SLC24A2: variants seen among roughly 807,000 people sequenced by gnomAD.
SLC24A2 encodes solute carrier family 24 member 2.
A neutral mutation model predicts 62.0 loss-of-function variants in SLC24A2; 36 were observed. The observed-to-expected ratio is 0.58, with a 90% CI of 0.44 to 0.77. The LOEUF is 0.77. SLC24A2 is among the 30% of genes least tolerant of loss of function. SLC24A2 has a pLI of 0.00. For synonymous variants in SLC24A2, 358 were observed against 294.0 expected, an observed-to-expected ratio of 1.22 and a Z score of -2.23; for missense variants, 846 against 817.9, an observed-to-expected ratio of 1.03 and a Z score of -0.42.
chr9:19,870,103 C>T, the SLC24A2 span, among the ~76,000 whole-genome samples: 18 of 152,210 alleles, frequency 1.2e-4, no homozygotes, highest in Admixed American at 9.2e-4. Context: ...TACTGTTCTG[C>T]GGCCACCACC....
intron 2 of SLC24A2, among the ~76,000 whole-genome samples, chr9:19,654,139 C>A (rs1289376872): frequency 1.3e-5 from 2 of 152,156 alleles, no homozygotes; most frequent in Non-Finnish European, 2.9e-5. Flanking sequence ...TACAGTGTTG[C>A]CTTTTCAAGA....
chr9:20,282,324 C>T, the SLC24A2 span, among the ~76,000 whole-genome samples: 102,236 of 152,002 alleles, frequency 0.67, 36,786 homozygotes, highest in East Asian at 0.96. Context: ...AACTCTTTTT[C>T]ATTGATCTCT....
the SLC24A2 span, among the ~76,000 whole-genome samples, chr9:20,212,949 C>T: frequency 6.6e-6 from 1 of 151,718 alleles, no homozygotes; most frequent in Non-Finnish European, 1.5e-5. Context: ...CATGTTCTCA[C>T]TTATAAGTGG....
the SLC24A2 span, among the ~76,000 whole-genome samples, chr9:20,297,259 A>C: frequency 6.6e-6 from 1 of 152,186 alleles, no homozygotes; most frequent in African/African-American, 2.4e-5. Flanking sequence ...AAGGTTACAG[A>C]TTGAGCCTCA....
At chr9:20,243,090 T>A in the SLC24A2 span, among the ~76,000 whole-genome samples, 1,012 of 152,324 alleles carry the variant, frequency 6.6e-3, 16 homozygotes, top group African/African-American at 0.023. Flanking sequence ...CTTACAGACC[T>A]CCTTGGTTAC....
chr9:20,116,030 A>G, the SLC24A2 span, among the ~76,000 whole-genome samples: 2 of 152,192 alleles, frequency 1.3e-5, no homozygotes, highest in Non-Finnish European at 1.5e-5. Flanking sequence ...GTCCATTTCT[A>G]TGAACTGTAT....
At chr9:19,542,548 C>T (rs1425405019) in intron 8 of SLC24A2, among the ~76,000 whole-genome samples, 2 of 152,154 alleles carry the variant, frequency 1.3e-5, no homozygotes, top group East Asian at 3.8e-4. Flanking sequence ...CCAGTTTTTG[C>T]CCATTCAGTA....
At chr9:19,908,520 A>G in the SLC24A2 span, among the ~76,000 whole-genome samples, 4 of 152,220 alleles carry the variant, frequency 2.6e-5, no homozygotes, top group Non-Finnish European at 5.9e-5. Flanking sequence ...CTGCACAGCA[A>G]AAGAAACCAC....
At chr9:19,735,196 G>C (rs977530659) in intron 2 of SLC24A2, among the ~76,000 whole-genome samples, 7 of 151,940 alleles carry the variant, frequency 4.6e-5, no homozygotes, top group Admixed American at 4.6e-4. Flanking sequence ...AGTGGGCAAA[G>C]TATATGAACA....
intron 7 of SLC24A2, among the ~76,000 whole-genome samples, chr9:19,571,962 T>C (rs1161080154): frequency 6.6e-6 from 1 of 152,110 alleles, no homozygotes; most frequent in Non-Finnish European, 1.5e-5. Flanking sequence ...GAGCTTCAGT[T>C]TCCTCAACTA....
chr9:19,771,586 C>G (rs1038214844), intron 2 of SLC24A2, among the ~76,000 whole-genome samples: 1 of 152,176 alleles, frequency 6.6e-6, no homozygotes, highest in Non-Finnish European at 1.5e-5. Flanking sequence ...CACAAAACTC[C>G]ATCCACCATG....
At chr9:19,552,404 T>G (rs559581896) in intron 7 of SLC24A2, among the ~76,000 whole-genome samples, 6 of 152,314 alleles carry the variant, frequency 3.9e-5, no homozygotes, top group African/African-American at 1.4e-4. Context: ...CCTTCTTGTT[T>G]AACCCAAATG....
chr9:19,619,520 C>A (rs1384844444), intron 4 of SLC24A2, 64 bp downstream of exon 4: 6 of 1,248,130 alleles, frequency 4.8e-6, no homozygotes, highest in African/African-American at 4.4e-5. Flanking sequence ...ACGTTTTATG[C>A]AGAGAAGCCT....
At position 19,520,932 on chromosome 9, in the gene SLC24A2, G is replaced by A. The variant is rs769392726; in HGVS notation, c.1698C>T (p.Ser566=). 4 of 1,613,946 alleles carry A rather than the reference G, an allele frequency of 2.5e-6. No homozygotes were observed. The highest frequency in any genetic ancestry group is 3.3e-5 in the Admixed American group (2 of 59,996). The change falls in exon 10 of 11, where the codon TCC becomes TCT. Residue 566 remains serine (S), a synonymous_variant. Coordinates refer to ENST00000341998, the MANE Select transcript of SLC24A2 (RefSeq NM_020344.4). The stretch of plus-strand genomic sequence containing the variant: ...CAAAAATGTTGCTTCCAACAGAGCT[G>A]GACACAGCCATGTCCCCTAACCCCT... ...ARKGLGDMAV[S]SSVGSNIFDI... is the part of the protein sequence containing the mutation.
the SLC24A2 span, among the ~76,000 whole-genome samples, chr9:20,032,011 T>C: frequency 2.6e-5 from 4 of 152,314 alleles, no homozygotes; most frequent in African/African-American, 9.6e-5. Context: ...TGAGTCAGTG[T>C]CTGCGTTTCA....
chr9:19,956,789 G>T, the SLC24A2 span, among the ~76,000 whole-genome samples: 1 of 152,126 alleles, frequency 6.6e-6, no homozygotes, highest in Non-Finnish European at 1.5e-5. Context: ...ATGAGATTTG[G>T]GTGGAGACAC....
chr9:20,142,784 C>A, the SLC24A2 span, among the ~76,000 whole-genome samples: 9 of 151,952 alleles, frequency 5.9e-5, no homozygotes, highest in African/African-American at 2.2e-4. Context: ...TTTGTAGAGA[C>A]GGGGTTTCAC....
At chr9:20,243,749 G>A in the SLC24A2 span, among the ~76,000 whole-genome samples, 1 of 152,060 alleles carries the variant, frequency 6.6e-6, no homozygotes, top group Non-Finnish European at 1.5e-5. Context: ...GGTCAATGGG[G>A]GTGATGCCAT....
At chr9:19,720,715 T>G (rs570436571) in intron 2 of SLC24A2, among the ~76,000 whole-genome samples, 1 of 138,328 alleles carries the variant, frequency 7.2e-6, no homozygotes, top group Non-Finnish European at 1.6e-5. Context: ...AAAATCACCT[T>G]GATGTGGCTC....
Sources: gnomAD v4.1 joint callset for allele counts (sites outside exome capture counted in the v4.1 genomes callset) on GRCh38, gnomAD v4.1.1 for gene constraint, MANE v1.5 for transcripts, NCBI Gene and HGNC (gene_info 2026-07-23, HGNC 2026-07-21) for gene names.